TRAPPC10: variants seen among roughly 807,000 people sequenced by gnomAD.
TRAPPC10 encodes trafficking protein particle complex subunit 10, also known as TRAPP 130 kDa subunit.
TRAPPC10 carries 23 observed loss-of-function variants against 125.5 expected under a neutral mutation model. The observed-to-expected ratio is 0.18, with a 90% CI of 0.13 to 0.26. The LOEUF (loss-of-function observed/expected upper bound fraction) is 0.26. TRAPPC10 is among the 10% of genes least tolerant of loss of function. The pLI, the probability that TRAPPC10 is intolerant of heterozygous loss-of-function variation, is 1.00. For synonymous variants in TRAPPC10, 509 were observed against 518.0 expected, an observed-to-expected ratio of 0.98 and a Z score of 0.24; for missense variants, 1,123 against 1,308.4, an observed-to-expected ratio of 0.86 and a Z score of 2.19.
intron 3 of TRAPPC10, among the ~76,000 whole-genome samples, chr21:44,048,907 A>G (rs758014377): frequency 6.8e-6 from 1 of 147,194 alleles, no homozygotes; most frequent in Non-Finnish European, 1.5e-5. Context: ...CTTTTGATGG[A>G]GTGTAATCTA....
In TRAPPC10 at chr21:44,012,471, C is replaced by CT; in HGVS notation, c.-23_-22insT. On this transcript the variant is annotated 5_prime_UTR_variant, in exon 1 of 23. It removes the in-frame stop codon of an upstream open reading frame in the 5' UTR. Coordinates refer to ENST00000291574, the MANE Select transcript of TRAPPC10 (RefSeq NM_003274.5). ...GGGCTGCCCATGGGGCGCGGGGGGC[C>CT]GGGCCGGTGACGCCGGACGCCCATG... 1 of 1,451,338 alleles carries CT rather than the reference C, an allele frequency of 6.9e-7. No individual in the cohort carries two copies. Among genetic ancestry groups the CT allele is most frequent in the Non-Finnish European group, 9.2e-7 (1 of 1,090,490 alleles). The allele number at this position is 1,451,338 out of a possible 1,614,324, so 89.9% of individuals were successfully genotyped here.
intron 2 of TRAPPC10, among the ~76,000 whole-genome samples, chr21:44,036,624 A>G (rs1195224743): frequency 6.6e-6 from 1 of 152,226 alleles, no homozygotes; most frequent in Non-Finnish European, 1.5e-5. Context: ...AGACATCTAT[A>G]AGAACAGAAA....
chr21:44,025,709 TC>T (rs1402853893), intron 1 of TRAPPC10, among the ~76,000 whole-genome samples: 1 of 152,174 alleles, frequency 6.6e-6, no homozygotes, highest in Non-Finnish European at 1.5e-5. Context: ...TCTGCAAATT[TC>T]CACAGTAGGA....
At chr21:44,083,759 C>T (rs1000185684) in intron 14 of TRAPPC10, among the ~76,000 whole-genome samples, 2 of 152,202 alleles carry the variant, frequency 1.3e-5, no homozygotes, top group African/African-American at 2.4e-5. Flanking sequence ...GTAAGTTCCA[C>T]TAACTCAACA....
At position 44,083,056 on chromosome 21, in the gene TRAPPC10, C is replaced by G; in HGVS notation, c.1992C>G (p.Phe664Leu). ...ACTTTCCACCCGAGACCGCACCTTT[C>G]CCTGTATCCCAAAACAGTTTGCCCG... is the stretch of plus-strand genomic sequence containing the variant. ...IINFPPETAP[F>L]PVSQNSLPAL... Residue 664 changes from phenylalanine to leucine, a missense_variant, in exon 14 of 23, where the codon TTC becomes TTG. Physicochemically the swap from Phe to Leu is conservative, Grantham distance 22 (BLOSUM62 0). Around this residue, in one of 4 missense-constraint regions of TRAPPC10, gnomAD observed 840 missense variants for 902.0 expected, o/e 0.93. Transcript: ENST00000291574. 6.2e-7 allele frequency: 1 copy of G among 1,614,124 alleles called. No homozygotes were observed. The highest frequency in any genetic ancestry group is 1.1e-5 in the South Asian group (1 of 91,062).
At chr21:44,089,452 T>C (rs1278374329) in intron 17 of TRAPPC10, 1 of 431,558 alleles carries the variant, frequency 2.3e-6, no homozygotes, top group Non-Finnish European at 4.8e-6. Flanking sequence ...CATCTGGAAA[T>C]ACATGACTGA....
rs115792469 is a variant in TRAPPC10, at chr21:44,034,408, A to G, written c.149+2236A>G. On this transcript the variant is annotated intron_variant, in intron 2 of 22. Transcript: ENST00000291574. The stretch of plus-strand genomic sequence containing the variant: ...GGACAGAAGAGCTCCAGACCCTCGG[A>G]TCTGAGGTGCTGCAGAAGGCAAGGG... 6.0e-3 allele frequency among the ~76,000 whole-genome samples: 814 copies of G among 135,512 alleles called. 12 individuals are homozygous for G. The highest frequency in any genetic ancestry group is 0.022 in the African/African-American group (788 of 35,864). 88.9% of individuals were successfully genotyped at this position (135,512 alleles called of 152,430 possible). A position where few individuals can be genotyped will look rare whatever the true frequency, so the allele number is the denominator to read the frequency against.
intron 19 of TRAPPC10, 65 bp downstream of exon 19, chr21:44,092,114 T>C: frequency 6.3e-7 from 1 of 1,590,096 alleles, no homozygotes; most frequent in African/African-American, 1.3e-5. Context: ...GGAAATGATG[T>C]AGTATGTGTT....
At chr21:44,035,404 C>A (rs546133983) in intron 2 of TRAPPC10, among the ~76,000 whole-genome samples, 3 of 152,254 alleles carry the variant, frequency 2.0e-5, no homozygotes, top group African/African-American at 7.2e-5. Flanking sequence ...CAGCAGAAAA[C>A]ATACCAAGAC....
chr21:44,038,187 A>G (rs1012781610), intron 3 of TRAPPC10, among the ~76,000 whole-genome samples: 8 of 152,194 alleles, frequency 5.3e-5, no homozygotes, highest in Non-Finnish European at 1.0e-4. Flanking sequence ...TTGTCCCTTC[A>G]TTCCTTGGCC....
chr21:44,089,743 G>T lies in TRAPPC10; in HGVS notation c.2770-90G>T. 4.5e-6 allele frequency: 4 copies of T among 894,644 alleles called. No individual in the cohort carries two copies. In the South Asian group the frequency reaches 5.5e-5, roughly 12 times the overall value. 55.4% of individuals were successfully genotyped at this position (894,644 alleles called of 1,614,324 possible). ...ATAATAAAATGTCTAGGGCGTGGGC[G>T]GGCACTGCAGGTGAGTCTGGGCAGC... On this transcript the variant is annotated intron_variant, in intron 17 of 22. Transcript: ENST00000291574.
chr21:44,041,606 A>T (rs943275836), intron 3 of TRAPPC10, among the ~76,000 whole-genome samples: 1 of 152,182 alleles, frequency 6.6e-6, no homozygotes, highest in African/African-American at 2.4e-5. Context: ...TCCCGACCTC[A>T]GGTGATCTGC....
chr21:44,090,781 C>T (rs2038520443), intron 18 of TRAPPC10, among the ~76,000 whole-genome samples: 1 of 152,194 alleles, frequency 6.6e-6, no homozygotes, highest in Non-Finnish European at 1.5e-5. Context: ...AAACGTCAGA[C>T]CCATGTTTAG....
rs2037392176 is a variant in TRAPPC10 at position 44,077,742 on chromosome 21, G to A, written c.1427G>A (p.Arg476Gln). ...IEMYTSIGRIRSAKFVGKDLA... is the reference protein window; with the variant it reads ...IEMYTSIGRIQSAKFVGKDLA... Reference sequence around the variant, plus strand: ...ATGTATACAAGCATTGGGAGGATTCGATCTGCTAAGTTTGTTGGAAAAGAT... The same window carrying A: ...ATGTATACAAGCATTGGGAGGATTCAATCTGCTAAGTTTGTTGGAAAAGAT... Residue 476 changes from arginine to glutamine, a missense_variant, in exon 11 of 23, where the codon CGA becomes CAA. This residue lies in a region of TRAPPC10 where 840 missense variants were observed against 902.0 expected (regional missense o/e 0.93). Transcript: ENST00000291574. 1 of 1,610,790 alleles carries A rather than the reference G, an allele frequency of 6.2e-7. No homozygotes were observed. Among genetic ancestry groups the A allele is most frequent in the Admixed American group, 1.7e-5 (1 of 59,698 alleles).
chr21:44,044,367 G>T (rs2034629245), intron 3 of TRAPPC10, among the ~76,000 whole-genome samples: 1 of 149,100 alleles, frequency 6.7e-6, no homozygotes, highest in South Asian at 2.1e-4. Flanking sequence ...GGAGTAAGTT[G>T]ATAATATTGA....
At chr21:44,037,755 A>T (rs756727478) in intron 2 of TRAPPC10, 37 bp from the exon 3 acceptor site, 1 of 1,599,644 alleles carries the variant, frequency 6.3e-7, no homozygotes, top group Non-Finnish European at 8.5e-7. Flanking sequence ...AATGCTGTTT[A>T]GTTGTTTTCT....
At chr21:44,028,287 A>G (rs1410264154) in intron 1 of TRAPPC10, among the ~76,000 whole-genome samples, 2 of 152,242 alleles carry the variant, frequency 1.3e-5, no homozygotes, top group Admixed American at 6.5e-5. Flanking sequence ...TGATTGGTCC[A>G]TGTAATCAGA....
rs2037899609 is a variant in TRAPPC10, at chr21:44,083,403, T to C, written c.2238+101T>C. 3.0e-6 allele frequency: 4 copies of C among 1,322,826 alleles called. No individual in the cohort carries two copies. In the East Asian group the frequency reaches 9.3e-5, roughly 31 times the overall value. 81.9% of individuals were successfully genotyped at this position (1,322,826 alleles called of 1,614,324 possible). A position where few individuals can be genotyped will look rare whatever the true frequency, so the allele number is the denominator to read the frequency against. On this transcript the variant is annotated intron_variant, in intron 14 of 22. Coordinates refer to ENST00000291574, the MANE Select transcript of TRAPPC10 (RefSeq NM_003274.5). Reference sequence around the variant, plus strand: ...TGTGCTGTGAATTGAGTAGAGTCCTTTGTTCTCCTAACCCTGTTTTTGTCT... The same window carrying C: ...TGTGCTGTGAATTGAGTAGAGTCCTCTGTTCTCCTAACCCTGTTTTTGTCT...
intron 7 of TRAPPC10, among the ~76,000 whole-genome samples, chr21:44,067,860 G>A (rs971209800): frequency 2.0e-5 from 3 of 152,134 alleles, no homozygotes; most frequent in African/African-American, 7.2e-5. Flanking sequence ...AGTGGCTCAA[G>A]CCTGTAATCC....
Sources: allele counts gnomAD v4.1 joint callset (sites outside exome capture counted in the v4.1 genomes callset), GRCh38; gene constraint gnomAD v4.1.1; regional missense constraint gnomAD v4.1.1; transcripts MANE v1.5; gene names NCBI Gene and HGNC (gene_info 2026-07-23, HGNC 2026-07-21).